ASIC2: variants seen among roughly 807,000 people sequenced by gnomAD.
The protein encoded by ASIC2 is acid sensing ion channel subunit 2, also known as acid-sensing ion channel 2.
Under a neutral mutation model 57.3 loss-of-function variants are expected in ASIC2, and 25 were observed. That is an observed-to-expected ratio of 0.44 (90% confidence interval 0.32 to 0.61). The LOEUF (loss-of-function observed/expected upper bound fraction) is 0.61, where lower values mean the gene tolerates loss of function less well. Among genes scored for constraint, ASIC2 ranks in the 20% least tolerant of loss-of-function variants. The probability of loss-of-function intolerance (pLI) is 0.06; values close to 1 mark genes in which losing one functional copy is unlikely to be tolerated. For synonymous variants in ASIC2, 319 were observed against 307.5 expected (o/e 1.04, Z -0.39); for missense variants, 641 against 738.1 (o/e 0.87, Z 1.52).
At chr17:33,686,010 C>T (rs911281902) in intron 1 of ASIC2, among the ~76,000 whole-genome samples, 5 of 152,152 alleles carry the variant, frequency 3.3e-5, no homozygotes, top group East Asian at 1.9e-4. Flanking sequence ...CCTGCATGAG[C>T]GTGGGCCAAG....
intron 1 of ASIC2, among the ~76,000 whole-genome samples, chr17:34,056,876 C>A (rs1447351256): frequency 6.6e-6 from 1 of 152,190 alleles, no homozygotes; most frequent in Non-Finnish European, 1.5e-5. Flanking sequence ...TGAGGTTAAA[C>A]AACCCATTCG....
At chr17:33,151,132 G>C (rs1364016544) in intron 1 of ASIC2, among the ~76,000 whole-genome samples, 5 of 151,716 alleles carry the variant, frequency 3.3e-5, no homozygotes, top group African/African-American at 1.2e-4. Flanking sequence ...TTTGAGACCA[G>C]CCTGCCAACA....
chr17:33,960,935 C>T (rs1489865299), intron 1 of ASIC2, among the ~76,000 whole-genome samples: 1 of 152,010 alleles, frequency 6.6e-6, no homozygotes, highest in Admixed American at 6.6e-5. Context: ...GAATAGAGAC[C>T]CAACAAATAA....
At chr17:33,748,250 C>T (rs897924342) in intron 1 of ASIC2, among the ~76,000 whole-genome samples, 1 of 152,224 alleles carries the variant, frequency 6.6e-6, no homozygotes, top group Non-Finnish European at 1.5e-5. Context: ...GCAGCTTTCC[C>T]TGAGCACTCT....
At chr17:33,920,616 T>C (rs953471791) in intron 1 of ASIC2, among the ~76,000 whole-genome samples, 4 of 152,218 alleles carry the variant, frequency 2.6e-5, no homozygotes, top group African/African-American at 7.2e-5. Flanking sequence ...CTATGCTCAC[T>C]ACCTGGGTGA....
At chr17:33,304,433 T>G (rs1009008024) in intron 1 of ASIC2, among the ~76,000 whole-genome samples, 2 of 152,198 alleles carry the variant, frequency 1.3e-5, no homozygotes, top group Admixed American at 1.3e-4. Flanking sequence ...ATTAGAAGAC[T>G]TTTCTGTCTC....
At chr17:33,729,814 A>G (rs554487744) in intron 1 of ASIC2, among the ~76,000 whole-genome samples, 1 of 152,326 alleles carries the variant, frequency 6.6e-6, no homozygotes, top group East Asian at 1.9e-4. Context: ...CCTCAGTAGT[A>G]TTATTCTAGT....
chr17:33,306,244 C>T (rs1262487414), intron 1 of ASIC2, among the ~76,000 whole-genome samples: 1 of 152,128 alleles, frequency 6.6e-6, no homozygotes, highest in Non-Finnish European at 1.5e-5. Context: ...AATTCTCAGG[C>T]GGTAAGTGAC....
chr17:33,960,723 G>T (rs538824879), intron 1 of ASIC2, among the ~76,000 whole-genome samples: 60 of 152,212 alleles, frequency 3.9e-4, no homozygotes, highest in African/African-American at 1.4e-3. Flanking sequence ...CCTTGAGCAT[G>T]CTTCACCTAC....
At chr17:33,069,510 A>G (rs1443861748) in intron 3 of ASIC2, among the ~76,000 whole-genome samples, 1 of 151,938 alleles carries the variant, frequency 6.6e-6, no homozygotes, top group African/African-American at 2.4e-5. Flanking sequence ...CTGTATTTTG[A>G]AACTCTGCTA....
intron 1 of ASIC2, among the ~76,000 whole-genome samples, chr17:33,907,618 T>C (rs1915376473): frequency 6.6e-6 from 1 of 152,192 alleles, no homozygotes; most frequent in African/African-American, 2.4e-5. Flanking sequence ...GTAATTCCTA[T>C]TGTTTGTTTT....
chr17:33,646,986 G>A (rs1252741603), intron 1 of ASIC2, among the ~76,000 whole-genome samples: 2 of 152,142 alleles, frequency 1.3e-5, no homozygotes, highest in Admixed American at 1.3e-4. Flanking sequence ...TTTGGAAGAT[G>A]AGGTAGGTGG....
intron 1 of ASIC2, among the ~76,000 whole-genome samples, chr17:33,404,418 T>A (rs567842889): frequency 3.7e-4 from 57 of 152,232 alleles, no homozygotes; most frequent in Non-Finnish European, 5.4e-4. Context: ...GAGCCAGGGC[T>A]CAGACAACAC....
chr17:33,666,464 C>T (rs1279903025), intron 1 of ASIC2, among the ~76,000 whole-genome samples: 1 of 152,156 alleles, frequency 6.6e-6, no homozygotes, highest in Non-Finnish European at 1.5e-5. Flanking sequence ...ACTGTGAGAG[C>T]CAAGAGGCTC....
chr17:33,531,925 C>A (rs748804566), intron 1 of ASIC2, among the ~76,000 whole-genome samples: 27 of 152,174 alleles, frequency 1.8e-4, no homozygotes, highest in Non-Finnish European at 3.2e-4. Flanking sequence ...AGGTCAAGGG[C>A]CACATGGAAA....
At chr17:33,920,124 G>A (rs1219482275) in intron 1 of ASIC2, among the ~76,000 whole-genome samples, 1 of 152,176 alleles carries the variant, frequency 6.6e-6, no homozygotes, top group East Asian at 1.9e-4. Flanking sequence ...ATGTCTCAAA[G>A]AACTACCATT....
chr17:33,948,228 C>T (rs867113896), intron 1 of ASIC2, among the ~76,000 whole-genome samples: 1 of 152,212 alleles, frequency 6.6e-6, no homozygotes, highest in Non-Finnish European at 1.5e-5. Context: ...TGTCTCCAGC[C>T]TGCTTTACCT....
intron 3 of ASIC2, among the ~76,000 whole-genome samples, chr17:33,051,386 T>C (rs1041816201): frequency 2.0e-5 from 3 of 152,168 alleles, no homozygotes; most frequent in African/African-American, 7.2e-5. Context: ...GGTTACTGTG[T>C]GAGGAAGAAT....
chr17:33,036,408 G>A (rs1161206855), intron 3 of ASIC2, among the ~76,000 whole-genome samples: 1 of 152,040 alleles, frequency 6.6e-6, no homozygotes, highest in African/African-American at 2.4e-5. Context: ...ACCCTCCATG[G>A]AGCACTTTTC....
Sources: gnomAD v4.1 joint callset for allele counts (sites outside exome capture counted in the v4.1 genomes callset) on GRCh38, gnomAD v4.1.1 for gene constraint, MANE v1.5 for transcripts, NCBI Gene and HGNC (gene_info 2026-07-23, HGNC 2026-07-21) for gene names.